FHIT: variants seen among roughly 807,000 people sequenced by gnomAD.
FHIT encodes fragile histidine triad diadenosine triphosphatase.
Under a neutral mutation model 17.9 loss-of-function variants are expected in FHIT, and 19 were observed. That is an observed-to-expected ratio of 1.06 (90% CI 0.74 to 1.56). FHIT has a LOEUF of 1.56. Among genes scored for constraint, FHIT ranks in the 40% most tolerant of loss-of-function variants. FHIT has a pLI of 0.00. For synonymous variants in FHIT, 81 were observed against 69.7 expected (o/e 1.16, Z -0.81); for missense variants, 248 against 189.2 (o/e 1.31, Z -1.82).
chr3:60,626,163 C>A (rs1008839170), intron 4 of FHIT, among the ~76,000 whole-genome samples: 8 of 152,050 alleles, frequency 5.3e-5, no homozygotes, highest in Non-Finnish European at 1.0e-4. Flanking sequence ...GGAAATCCTC[C>A]AAGTTCGCAC....
intron 8 of FHIT, among the ~76,000 whole-genome samples, chr3:59,913,193 GTGT>G (rs1042501303): frequency 5.3e-5 from 8 of 152,274 alleles, no homozygotes; most frequent in African/African-American, 1.9e-4. Flanking sequence ...TCCAGTGTGT[GTGT>G]TGTGTGTCGT....
At chr3:60,785,250 TAAG>T (rs146436961) in intron 4 of FHIT, among the ~76,000 whole-genome samples, 2,211 of 152,330 alleles carry the variant, frequency 0.015, 15 homozygotes, top group Non-Finnish European at 0.022. Flanking sequence ...AGGATAATTT[TAAG>T]AAGAAGGAGT....
intron 5 of FHIT, among the ~76,000 whole-genome samples, chr3:60,069,280 G>C (rs1702656353): frequency 1.3e-5 from 2 of 152,104 alleles, no homozygotes; most frequent in Non-Finnish European, 2.9e-5. Flanking sequence ...ATAATGAAAA[G>C]TGTTTGTGTA....
At chr3:60,927,033 C>T (rs1707658459) in intron 3 of FHIT, among the ~76,000 whole-genome samples, 1 of 152,170 alleles carries the variant, frequency 6.6e-6, no homozygotes, top group South Asian at 2.1e-4. Flanking sequence ...TCCCACTTTC[C>T]ACGGTCTCCC....
chr3:60,445,403 T>C (rs1020349136), intron 5 of FHIT, among the ~76,000 whole-genome samples: 1 of 151,922 alleles, frequency 6.6e-6, no homozygotes, highest in Non-Finnish European at 1.5e-5. Context: ...TTATGATACG[T>C]TTCTTACCAA....
At chr3:60,077,616 G>A (rs1703072271) in intron 5 of FHIT, 1 of 150,250 alleles carries the variant, frequency 6.7e-6, no homozygotes, top group Non-Finnish European at 1.5e-5. Flanking sequence ...GCTAAATAGG[G>A]ACATAAAATA....
intron 8 of FHIT, among the ~76,000 whole-genome samples, chr3:59,821,103 C>G (rs552486165): frequency 2.7e-4 from 41 of 152,190 alleles, no homozygotes; most frequent in African/African-American, 9.2e-4. Context: ...GGAGGTCAAG[C>G]TTGAGCGCCA....
At chr3:60,559,983 T>A (rs967070721) in intron 4 of FHIT, among the ~76,000 whole-genome samples, 32 of 152,154 alleles carry the variant, frequency 2.1e-4, no homozygotes, top group African/African-American at 6.8e-4. Flanking sequence ...GCCCTAAGTT[T>A]AAACAAGTCA....
chr3:61,096,270 T>G (rs1001359697), intron 2 of FHIT, among the ~76,000 whole-genome samples: 1 of 152,132 alleles, frequency 6.6e-6, no homozygotes, highest in African/African-American at 2.4e-5. Flanking sequence ...CCTTGCAAAG[T>G]GTCTAATTGA....
chr3:60,966,952 G>A (rs529297351), intron 3 of FHIT, among the ~76,000 whole-genome samples: 10 of 152,190 alleles, frequency 6.6e-5, no homozygotes, highest in East Asian at 1.9e-4. Flanking sequence ...CTCAGTAGAC[G>A]TAATACTTCT....
intron 5 of FHIT, among the ~76,000 whole-genome samples, chr3:60,499,171 G>A (rs568560879): frequency 2.0e-5 from 3 of 152,198 alleles, no homozygotes; most frequent in South Asian, 2.1e-4. Flanking sequence ...TGGGGCTGGG[G>A]GATGGTGAAT....
chr3:60,603,872 C>G (rs947236795), intron 4 of FHIT, among the ~76,000 whole-genome samples: 1 of 152,072 alleles, frequency 6.6e-6, no homozygotes, highest in Non-Finnish European at 1.5e-5. Context: ...TTAGCAGTAC[C>G]TAACATTTCC....
chr3:61,045,888 T>G (rs747909104), intron 2 of FHIT, among the ~76,000 whole-genome samples: 1 of 152,066 alleles, frequency 6.6e-6, no homozygotes, highest in Non-Finnish European at 1.5e-5. Flanking sequence ...CCTAAATGAC[T>G]ACTGGGCACA....
At chr3:61,190,561 C>A (rs967108477) in intron 2 of FHIT, among the ~76,000 whole-genome samples, 1 of 152,130 alleles carries the variant, frequency 6.6e-6, no homozygotes, top group Non-Finnish European at 1.5e-5. Context: ...TACCATTTGA[C>A]CCAGCCATCT....
intron 1 of FHIT, among the ~76,000 whole-genome samples, chr3:61,250,273 G>A (rs2040587900): frequency 1.3e-5 from 2 of 152,242 alleles, no homozygotes; most frequent in African/African-American, 2.4e-5. Context: ...TGAAGCCAAG[G>A]AGGGAGAGTT....
chr3:60,958,581 G>C (rs367669105), intron 3 of FHIT, among the ~76,000 whole-genome samples: 1 of 152,194 alleles, frequency 6.6e-6, no homozygotes, highest in South Asian at 2.1e-4. Flanking sequence ...ATGAAAAATA[G>C]TTGCAATGTT....
At chr3:60,380,954 G>A (rs17062890) in intron 5 of FHIT, among the ~76,000 whole-genome samples, 17,649 of 140,046 alleles carry the variant, frequency 0.13, 2,007 homozygotes, top group African/African-American at 0.3. Context: ...CATGGCAACC[G>A]CGTAACAAAA....
intron 5 of FHIT, among the ~76,000 whole-genome samples, chr3:60,276,895 C>G (rs1257226806): frequency 6.6e-6 from 1 of 152,144 alleles, no homozygotes; most frequent in Non-Finnish European, 1.5e-5. Context: ...CAAACTCACT[C>G]ATTACTGCAA....
chr3:60,525,397 A>G (rs909237722), intron 5 of FHIT, among the ~76,000 whole-genome samples: 1 of 152,212 alleles, frequency 6.6e-6, no homozygotes, highest in Non-Finnish European at 1.5e-5. Flanking sequence ...GACTCTAAGA[A>G]TTGAAGGGAT....
Sources: gnomAD v4.1 joint callset for allele counts (sites outside exome capture counted in the v4.1 genomes callset) on GRCh38, gnomAD v4.1.1 for gene constraint, MANE v1.5 for transcripts, NCBI Gene and HGNC (gene_info 2026-07-23, HGNC 2026-07-21) for gene names.